ERLIN1: variants seen among roughly 807,000 people sequenced by gnomAD.
The protein encoded by ERLIN1 is erlin-1.
ERLIN1 carries 24 observed loss-of-function variants against 46.9 expected under a neutral mutation model. The observed-to-expected ratio is 0.51, with a 90% CI of 0.37 to 0.72. ERLIN1 has a LOEUF of 0.72. Among genes scored for constraint, ERLIN1 ranks in the 30% least tolerant of loss-of-function variants. The pLI is 0.00. For missense variants in ERLIN1, 293 were observed against 417.9 expected (o/e 0.70, Z 2.61); for synonymous variants, 158 against 143.2 (o/e 1.10, Z -0.74).
chr10:100,154,431 A>G (rs1460618877), intron 10 of ERLIN1, among the ~76,000 whole-genome samples: 3 of 152,246 alleles, frequency 2.0e-5, no homozygotes, highest in East Asian at 3.8e-4. Flanking sequence ...CCAGGGATAC[A>G]AAATATCCTA....
In ERLIN1 at chr10:100,157,761, G is replaced by A. The variant is rs192212178; in HGVS notation, c.656-1527C>T. Among the ~76,000 whole-genome samples the A allele has an allele frequency of 5.3e-5, 8 of 152,312 alleles. No individual in the cohort carries two copies. In the East Asian group the frequency reaches 1.2e-3, roughly 22 times the overall value. On this transcript the variant is annotated intron_variant, in intron 8 of 10. Coordinates refer to ENST00000421367, the MANE Select transcript of ERLIN1 (RefSeq NM_006459.4). ...ATGAATAAAAGGTGAGGGATCTGAAGCCTGCAGCTAGAACCCAAAGGATGT... is the reference window on the plus strand; with the variant it reads ...ATGAATAAAAGGTGAGGGATCTGAAACCTGCAGCTAGAACCCAAAGGATGT...
chr10:100,159,883 TGGAA>T (rs1439575831), intron 8 of ERLIN1, among the ~76,000 whole-genome samples: 1 of 135,950 alleles, frequency 7.4e-6, no homozygotes, highest in Non-Finnish European at 1.6e-5. Flanking sequence ...AAAAAAAAGA[TGGAA>T]GGAAATATTT....
At chr10:100,184,741 C>G (rs1173227939) in intron 1 of ERLIN1, among the ~76,000 whole-genome samples, 1 of 152,078 alleles carries the variant, frequency 6.6e-6, no homozygotes, top group Non-Finnish European at 1.5e-5. Context: ...CTAAGATATA[C>G]CATTAAAATT....
intron 2 of ERLIN1, among the ~76,000 whole-genome samples, chr10:100,182,534 C>T (rs897733237): frequency 5.3e-5 from 8 of 152,114 alleles, no homozygotes; most frequent in Non-Finnish European, 1.2e-4. Context: ...CACATTGCTT[C>T]CTGAGAAATC....
intron 6 of ERLIN1, among the ~76,000 whole-genome samples, chr10:100,171,766 A>G (rs1184730549): frequency 6.6e-6 from 1 of 152,188 alleles, no homozygotes. Flanking sequence ...AATGAGCAAA[A>G]CCAACAATTT....
At chr10:100,181,980 T>C (rs778601155) in intron 2 of ERLIN1, among the ~76,000 whole-genome samples, 14 of 152,180 alleles carry the variant, frequency 9.2e-5, no homozygotes, top group Admixed American at 6.5e-4. Flanking sequence ...TCTGTACTAA[T>C]TTCATTTACA....
rs1406807521 is a variant in ERLIN1 at position 100,185,559 on chromosome 10, G to A, written c.68C>T (p.Ala23Val). The change falls in exon 1 of 11, where the codon GCC (alanine) becomes GTC (valine). Residue 23 changes from alanine to valine, a missense_variant. Physicochemically the swap from Ala to Val is moderately conservative, Grantham distance 64 (BLOSUM62 0). Transcript: ENST00000421367. The stretch of plus-strand genomic sequence containing the variant: ...GCCCTCCTCAATCTTGTGGATGGAG[G>A]CGTAGAGCAGGACAGCCACCAACCC... ...VVGLVAVLLY[A>V]SIHKIEEGHL... 2.5e-6 allele frequency: 4 copies of A among 1,614,004 alleles called. No individual in the cohort carries two copies. The highest frequency in any genetic ancestry group is 2.2e-5 in the South Asian group (2 of 91,084).
At chr10:100,169,542 A>C (rs557645166) in intron 6 of ERLIN1, among the ~76,000 whole-genome samples, 3 of 152,228 alleles carry the variant, frequency 2.0e-5, no homozygotes, top group South Asian at 2.1e-4. Context: ...ATAGTAACCC[A>C]AAAATTACTA....
chr10:100,151,960 G>A lies in ERLIN1; in HGVS notation c.*171C>T, dbSNP rs756305686. ...CTGTGGCTGAAAAGACCATTTGTGTGTCAGACAGCTGGCTCTATCCTCCAA... is the reference window on the plus strand; with the variant it reads ...CTGTGGCTGAAAAGACCATTTGTGTATCAGACAGCTGGCTCTATCCTCCAA... On this transcript the variant is annotated 3_prime_UTR_variant, in exon 11 of 11. Coordinates refer to ENST00000421367, the MANE Select transcript of ERLIN1 (RefSeq NM_006459.4). 3.0e-5 allele frequency: 20 copies of A among 677,240 alleles called. No homozygotes were observed. The highest frequency in any genetic ancestry group is 4.6e-5 in the Non-Finnish European group (17 of 370,274). The allele number at this position is 677,240 out of a possible 1,614,324, so 42.0% of individuals were successfully genotyped here.
At chr10:100,155,659 C>T (rs1472918457) in intron 9 of ERLIN1, among the ~76,000 whole-genome samples, 13 of 152,050 alleles carry the variant, frequency 8.5e-5, no homozygotes, top group South Asian at 6.2e-4. Context: ...GGACTACAGG[C>T]GCCCGCCACC....
intron 8 of ERLIN1, among the ~76,000 whole-genome samples, chr10:100,161,416 ACT>A (rs1009613284): frequency 6.6e-6 from 1 of 152,112 alleles, no homozygotes; most frequent in Non-Finnish European, 1.5e-5. Flanking sequence ...AAATTATGAC[ACT>A]TTTTAAAAGA....
At chr10:100,156,008 A>G in intron 9 of ERLIN1, 137 bp downstream of exon 9, 3 of 551,904 alleles carry the variant, frequency 5.4e-6, no homozygotes, top group Non-Finnish European at 9.9e-6. Flanking sequence ...TATTTAGACT[A>G]TCAGGCCAGC....
Position 100,175,847 on chromosome 10 carries a change from C to T in ERLIN1, c.430+98G>A, listed in dbSNP as rs932704453. On this transcript the variant is annotated intron_variant, in intron 5 of 10. Transcript: ENST00000421367. Reference sequence around the variant, plus strand: ...CTCTATGATAAATTCAGAAGAAATGCTTAAATAGCACTAAGGTTTACCAAT... The same window carrying T: ...CTCTATGATAAATTCAGAAGAAATGTTTAAATAGCACTAAGGTTTACCAAT... The T allele has an allele frequency of 1.9e-5, 18 of 949,712 alleles. No individual in the cohort carries two copies. In the African/African-American group the frequency reaches 2.7e-4, roughly 14 times the overall value. The allele number at this position is 949,712 out of a possible 1,614,324, so 58.8% of individuals were successfully genotyped here. A position where few individuals can be genotyped will look rare whatever the true frequency, so the allele number is the denominator to read the frequency against.
intron 8 of ERLIN1, among the ~76,000 whole-genome samples, chr10:100,156,732 G>A (rs1015153940): frequency 6.6e-6 from 1 of 152,160 alleles, no homozygotes; most frequent in African/African-American, 2.4e-5. Flanking sequence ...GACAAGAAGG[G>A]CCAGTCATGG....
intron 8 of ERLIN1, among the ~76,000 whole-genome samples, chr10:100,162,890 T>C (rs1478452688): frequency 3.3e-5 from 5 of 152,172 alleles, no homozygotes; most frequent in Admixed American, 6.5e-5. Flanking sequence ...TGCTACTCTA[T>C]GGAAACCTGC....
rs370796510 is a variant in ERLIN1, at chr10:100,183,853, T to C, written c.114-16A>G. On this transcript the variant is annotated splice_polypyrimidine_tract_variant and intron_variant, in intron 1 of 10. Coordinates refer to ENST00000421367, the MANE Select transcript of ERLIN1 (RefSeq NM_006459.4). The stretch of plus-strand genomic sequence containing the variant: ...AGCTCCTCCCCTGCAAAAAGATGTT[T>C]CAATTTGACAAAATTATAAAAAGAA... 3.2e-6 allele frequency: 5 copies of C among 1,581,890 alleles called. No individual in the cohort carries two copies. In the African/African-American group the frequency reaches 5.4e-5, roughly 17 times the overall value.
chr10:100,178,684 C>G (rs1417035964), intron 3 of ERLIN1, among the ~76,000 whole-genome samples: 1 of 152,160 alleles, frequency 6.6e-6, no homozygotes, highest in Non-Finnish European at 1.5e-5. Context: ...TAATTTTAAA[C>G]TATGTTTTAT....
intron 8 of ERLIN1, among the ~76,000 whole-genome samples, chr10:100,160,029 C>T (rs114302756): frequency 0.01 from 1,538 of 151,902 alleles, 25 homozygotes; most frequent in African/African-American, 0.036. Flanking sequence ...AGAAAAGGCA[C>T]AAGAAAACAG....
intron 6 of ERLIN1, among the ~76,000 whole-genome samples, chr10:100,167,882 A>G (rs1335890771): frequency 1.3e-5 from 2 of 152,244 alleles, no homozygotes; most frequent in African/African-American, 4.8e-5. Context: ...AAATTAATCT[A>G]TCACTTCCAA....
Sources: gnomAD v4.1 joint callset for allele counts (sites outside exome capture counted in the v4.1 genomes callset) on GRCh38, gnomAD v4.1.1 for gene constraint, MANE v1.5 for transcripts, NCBI Gene and HGNC (gene_info 2026-07-23, HGNC 2026-07-21) for gene names.